EYS: variants seen among roughly 807,000 people sequenced by gnomAD.
EYS encodes EGF-like photoreceptor maintenance factor, also known as protein eyes shut homolog.
Under a neutral mutation model 282.1 loss-of-function variants are expected in EYS, and 250 were observed. The observed-to-expected ratio is 0.89, with a 90% CI of 0.80 to 0.98. EYS has a LOEUF of 0.98. Ranked by LOEUF, EYS falls within the 50% of genes least tolerant of loss-of-function variation. The pLI is 0.00. For synonymous variants in EYS, 1,355 were observed against 1,282.9 expected (o/e 1.06, Z -1.20); for missense variants, 4,016 against 3,709.0 (o/e 1.08, Z -2.15).
At position 65,535,508 on chromosome 6, in the gene EYS, G is replaced by A. The variant is rs61675665; in HGVS notation, c.-332-39515C>T. On this transcript the variant is annotated intron_variant, in intron 2 of 42. Transcript: ENST00000503581. ...CTTTGCCTTCTGCCATGATTATGAG[G>A]CCTCTCCAGCCATGTGGAAGTGTGA... is the stretch of plus-strand genomic sequence containing the variant. Among the ~76,000 whole-genome samples the A allele has an allele frequency of 4.9e-3, 740 of 152,160 alleles. 2 individuals carry two copies. Among genetic ancestry groups the A allele is most frequent in the African/African-American group, 0.016 (671 of 41,514 alleles).
chr6:65,189,164 A>G (rs1336324608), intron 12 of EYS, among the ~76,000 whole-genome samples: 2 of 151,704 alleles, frequency 1.3e-5, no homozygotes, highest in African/African-American at 4.8e-5. Flanking sequence ...AGTATAATTT[A>G]TTATATATTT....
At chr6:65,008,318 A>G (rs1257252382) in intron 13 of EYS, among the ~76,000 whole-genome samples, 1 of 152,126 alleles carries the variant, frequency 6.6e-6, no homozygotes, top group Non-Finnish European at 1.5e-5. Context: ...TAAATTTATC[A>G]CTCAATCAGC....
chr6:64,718,654 A>G (rs1039985817), intron 22 of EYS, among the ~76,000 whole-genome samples: 1 of 152,210 alleles, frequency 6.6e-6, no homozygotes. Context: ...CTCACAGCAT[A>G]ATTGACTGTA....
At chr6:64,233,983 T>G (rs1214116418) in intron 30 of EYS, among the ~76,000 whole-genome samples, 1 of 152,206 alleles carries the variant, frequency 6.6e-6, no homozygotes, top group South Asian at 2.1e-4. Context: ...CAACAGACAT[T>G]TGTCTGGCAC....
At chr6:64,744,360 C>T (rs1289586372) in intron 22 of EYS, among the ~76,000 whole-genome samples, 1 of 152,132 alleles carries the variant, frequency 6.6e-6, no homozygotes, top group Non-Finnish European at 1.5e-5. Context: ...TTGTTTTGTG[C>T]TTCTAAGCCA....
At chr6:64,072,159 C>T (rs1254340072) in intron 32 of EYS, among the ~76,000 whole-genome samples, 1 of 151,874 alleles carries the variant, frequency 6.6e-6, no homozygotes, top group African/African-American at 2.4e-5. Context: ...GATAAAACAA[C>T]AGCATTAAAG....
At chr6:65,046,378 C>T (rs535867932) in intron 13 of EYS, among the ~76,000 whole-genome samples, 2 of 151,858 alleles carry the variant, frequency 1.3e-5, no homozygotes, top group South Asian at 2.1e-4. Context: ...AGTAGAAGTG[C>T]ATTCGGCTCA....
chr6:64,445,716 C>A (rs897454605), intron 26 of EYS, among the ~76,000 whole-genome samples: 5 of 152,100 alleles, frequency 3.3e-5, no homozygotes, highest in Admixed American at 6.5e-5. Context: ...AATGTGATGG[C>A]TAGTCACTCC....
chr6:64,801,624 T>G (rs980779324), intron 22 of EYS, among the ~76,000 whole-genome samples: 1 of 152,182 alleles, frequency 6.6e-6, no homozygotes, highest in Admixed American at 6.5e-5. Context: ...TATGTGTTTT[T>G]GAATCCTTTT....
At chr6:65,284,684 G>A (rs541784290) in intron 12 of EYS, among the ~76,000 whole-genome samples, 2 of 152,054 alleles carry the variant, frequency 1.3e-5, no homozygotes, top group Non-Finnish European at 2.9e-5. Context: ...AATCACTATG[G>A]CCTCATTATA....
At chr6:64,939,168 A>G (rs1769008524) in intron 15 of EYS, among the ~76,000 whole-genome samples, 1 of 151,876 alleles carries the variant, frequency 6.6e-6, no homozygotes, top group Admixed American at 6.6e-5. Context: ...GCCAATATGA[A>G]TATAATGTTC....
chr6:65,651,877 T>C (rs1369858368), intron 1 of EYS, among the ~76,000 whole-genome samples: 8 of 152,078 alleles, frequency 5.3e-5, no homozygotes, highest in African/African-American at 1.9e-4. Context: ...TAACCATTGT[T>C]ATTTGGGATA....
chr6:65,417,298 C>T (rs1767276821), intron 5 of EYS, among the ~76,000 whole-genome samples: 1 of 151,838 alleles, frequency 6.6e-6, no homozygotes, highest in Non-Finnish European at 1.5e-5. Flanking sequence ...ACACATTGAG[C>T]CTAATTTACC....
chr6:64,287,397 A>G (rs769108869), intron 30 of EYS, among the ~76,000 whole-genome samples: 9 of 152,170 alleles, frequency 5.9e-5, no homozygotes, highest in Non-Finnish European at 1.2e-4. Flanking sequence ...TTTTATAAAA[A>G]TTTAATATAA....
intron 30 of EYS, among the ~76,000 whole-genome samples, chr6:64,238,034 A>G (rs1340423012): frequency 6.6e-6 from 1 of 152,198 alleles, no homozygotes; most frequent in African/African-American, 2.4e-5. Context: ...TACCTTAATA[A>G]GTTTAGTAAG....
chr6:63,964,042 A>C (rs761182838), intron 35 of EYS, among the ~76,000 whole-genome samples: 11 of 152,218 alleles, frequency 7.2e-5, no homozygotes, highest in Non-Finnish European at 1.5e-4. Flanking sequence ...AAATATAAAG[A>C]GAATATTGTT....
At chr6:65,341,269 C>A (rs1384258064) in intron 10 of EYS, among the ~76,000 whole-genome samples, 1 of 151,152 alleles carries the variant, frequency 6.6e-6, no homozygotes. Context: ...ATTGATTGAT[C>A]TTTTGAATTT....
chr6:64,927,328 A>G (rs567491259), intron 15 of EYS, among the ~76,000 whole-genome samples: 1 of 152,248 alleles, frequency 6.6e-6, no homozygotes, highest in South Asian at 2.1e-4. Flanking sequence ...TTATTGAGCA[A>G]AACAACATTG....
At chr6:63,738,165 G>T (rs1324622080) in intron 41 of EYS, among the ~76,000 whole-genome samples, 1 of 152,140 alleles carries the variant, frequency 6.6e-6, no homozygotes, top group Non-Finnish European at 1.5e-5. Flanking sequence ...CAACCCTTGT[G>T]GAAGTCAGTG....
Sources: allele counts gnomAD v4.1 joint callset (sites outside exome capture counted in the v4.1 genomes callset), GRCh38; gene constraint gnomAD v4.1.1; transcripts MANE v1.5; gene names NCBI Gene and HGNC (gene_info 2026-07-23, HGNC 2026-07-21).